HDAC9: variants seen among roughly 807,000 people sequenced by gnomAD.
HDAC9 encodes the protein histone deacetylase 9.
Under a neutral mutation model 139.4 loss-of-function variants are expected in HDAC9, and 41 were observed. That is an observed-to-expected ratio of 0.29 (90% CI 0.23 to 0.38). HDAC9 has a LOEUF of 0.38. HDAC9 is among the 10% of genes least tolerant of loss of function. HDAC9 has a pLI of 1.00. For missense variants in HDAC9, 1,147 were observed against 1,297.0 expected (o/e 0.88, Z 1.78); for synonymous variants, 517 against 476.2 (o/e 1.09, Z -1.12).
At chr7:18,747,450 C>T (rs1335182461) in intron 13 of HDAC9, among the ~76,000 whole-genome samples, 1 of 152,080 alleles carries the variant, frequency 6.6e-6, no homozygotes, top group Admixed American at 6.5e-5. Flanking sequence ...GGAGGGGGAG[C>T]GTCAAGGGGA....
intron 8 of HDAC9, among the ~76,000 whole-genome samples, chr7:18,641,850 T>C (rs1785699905): frequency 6.6e-6 from 1 of 152,116 alleles, no homozygotes; most frequent in African/African-American, 2.4e-5. Context: ...AGTCTGACTT[T>C]AAAGTGTGTC....
chr7:18,794,524 A>G (rs989254653), intron 17 of HDAC9, among the ~76,000 whole-genome samples: 1 of 152,210 alleles, frequency 6.6e-6, no homozygotes, highest in African/African-American at 2.4e-5. Flanking sequence ...GCTCTATTTA[A>G]AAAGTAGATG....
At chr7:18,745,531 CTTTTTTTTTTTTTT>C (rs565092002) in intron 13 of HDAC9, among the ~76,000 whole-genome samples, 1 of 90,510 alleles carries the variant, frequency 1.1e-5, no homozygotes, top group East Asian at 4.1e-4. Flanking sequence ...ACTCTCTACT[CTTTTTTTTTTTTTT>C]TTTTTTTTTT....
intron 2 of HDAC9, among the ~76,000 whole-genome samples, chr7:18,211,682 T>C (rs1791948539): frequency 6.6e-6 from 1 of 152,194 alleles, no homozygotes; most frequent in South Asian, 2.1e-4. Context: ...TGTGGTTATG[T>C]ATGCAGCAAA....
intron 1 of HDAC9, among the ~76,000 whole-genome samples, chr7:18,370,543 T>G (rs867358655): frequency 1.2e-4 from 18 of 152,188 alleles, no homozygotes; most frequent in Admixed American, 2.6e-4. Context: ...CATATTTCTT[T>G]GTTTAGCAAG....
At chr7:18,917,340 A>G (rs77613977) in intron 22 of HDAC9, among the ~76,000 whole-genome samples, 7,331 of 151,982 alleles carry the variant, frequency 0.048, 249 homozygotes, top group South Asian at 0.13. Flanking sequence ...TTTTTTTTTC[A>G]GTAAATACTA....
intron 4 of HDAC9, 87 bp from the exon 5 acceptor site, chr7:18,591,429 G>A (rs1330602454): frequency 6.9e-7 from 1 of 1,448,498 alleles, no homozygotes; most frequent in East Asian, 2.5e-5. Context: ...TATTCTAGAG[G>A]CATGAGAGGA....
At chr7:18,795,618 A>G (rs527959514) in intron 17 of HDAC9, among the ~76,000 whole-genome samples, 1 of 152,220 alleles carries the variant, frequency 6.6e-6, no homozygotes, top group Non-Finnish European at 1.5e-5. Flanking sequence ...GATAGGCAGA[A>G]TCATAACAGA....
At chr7:18,371,450 G>A (rs1784585720) in intron 1 of HDAC9, among the ~76,000 whole-genome samples, 1 of 152,050 alleles carries the variant, frequency 6.6e-6, no homozygotes, top group South Asian at 2.1e-4. Flanking sequence ...ATCTTTTTGT[G>A]TGTATATTTT....
At chr7:18,183,864 C>T (rs1789698445) in intron 2 of HDAC9, among the ~76,000 whole-genome samples, 1 of 152,188 alleles carries the variant, frequency 6.6e-6, no homozygotes, top group African/African-American at 2.4e-5. Context: ...GAGTGTCTTT[C>T]TCCTCCCCTC....
intron 2 of HDAC9, among the ~76,000 whole-genome samples, chr7:18,582,461 C>T (rs889147962): frequency 6.6e-6 from 1 of 151,906 alleles, no homozygotes; most frequent in Non-Finnish European, 1.5e-5. Context: ...TAGAATGAAG[C>T]CTGGGACTTT....
chr7:18,303,296 C>T (rs761259680), intron 1 of HDAC9, among the ~76,000 whole-genome samples: 1 of 151,836 alleles, frequency 6.6e-6, no homozygotes, highest in Non-Finnish European at 1.5e-5. Flanking sequence ...CGGCTCACTG[C>T]AAGCTCCGCC....
intron 3 of HDAC9, among the ~76,000 whole-genome samples, chr7:18,589,763 A>G (rs1830423166): frequency 6.6e-6 from 1 of 152,202 alleles, no homozygotes; most frequent in Admixed American, 6.5e-5. Flanking sequence ...ATATGTATAT[A>G]ATATATTCTA....
intron 13 of HDAC9, among the ~76,000 whole-genome samples, chr7:18,737,958 A>C (rs1787079741): frequency 6.6e-6 from 1 of 152,208 alleles, no homozygotes; most frequent in South Asian, 2.1e-4. Context: ...TTGGGTGCAT[A>C]TATCTTTAGG....
At chr7:18,812,680 G>A (rs970525626) in intron 17 of HDAC9, among the ~76,000 whole-genome samples, 2 of 151,518 alleles carry the variant, frequency 1.3e-5, no homozygotes, top group Non-Finnish European at 3.0e-5. Flanking sequence ...TGTGTGGCTT[G>A]CTGTTTTTAA....
intron 21 of HDAC9, among the ~76,000 whole-genome samples, chr7:18,837,732 C>G (rs542545692): frequency 1.3e-5 from 2 of 151,980 alleles, no homozygotes; most frequent in Non-Finnish European, 2.9e-5. Flanking sequence ...ACAAAGTGAG[C>G]GGTGGATGAG....
At chr7:18,638,392 G>A (rs1321021206) in intron 8 of HDAC9, among the ~76,000 whole-genome samples, 2 of 152,062 alleles carry the variant, frequency 1.3e-5, no homozygotes, top group Non-Finnish European at 2.9e-5. Context: ...AGTAGGAGGA[G>A]AATTTACTCA....
chr7:18,344,949 G>A (rs971054257), intron 1 of HDAC9, among the ~76,000 whole-genome samples: 1 of 151,942 alleles, frequency 6.6e-6, no homozygotes. Flanking sequence ...AAAGTAATCA[G>A]TCAGGTCATT....
chr7:18,670,832 C>T (rs1186166894), intron 12 of HDAC9, among the ~76,000 whole-genome samples: 1 of 151,284 alleles, frequency 6.6e-6, no homozygotes, highest in Non-Finnish European at 1.5e-5. Context: ...TTTTTAATAG[C>T]TTCTATAAAT....
Sources: allele counts gnomAD v4.1 joint callset (sites outside exome capture counted in the v4.1 genomes callset), GRCh38; gene constraint gnomAD v4.1.1; transcripts MANE v1.5; gene names NCBI Gene and HGNC (gene_info 2026-07-23, HGNC 2026-07-21).